ACSS1: variants seen among roughly 807,000 people sequenced by gnomAD.
The protein encoded by ACSS1 is acyl-CoA synthetase short chain family member 1.
A neutral mutation model predicts 75.3 loss-of-function variants in ACSS1; 42 were observed. That is an observed-to-expected ratio of 0.56 (90% CI 0.44 to 0.72). ACSS1 has a LOEUF of 0.72. Among genes scored for constraint, ACSS1 ranks in the 30% least tolerant of loss-of-function variants. The probability of loss-of-function intolerance (pLI) is 0.00; values close to 1 mark genes in which losing one functional copy is unlikely to be tolerated. For missense variants in ACSS1, 782 were observed against 935.7 expected, an observed-to-expected ratio of 0.84 and a Z score of 2.14; for synonymous variants, 380 against 376.8, an observed-to-expected ratio of 1.01 and a Z score of -0.10.
chr20:25,023,715 G>A, intron 3 of ACSS1, 74 bp from the exon 4 acceptor site: 1 of 1,396,732 alleles, frequency 7.2e-7, no homozygotes, highest in Non-Finnish European at 9.7e-7. Context: ...ACTCACATAG[G>A]ACATCCAGGC....
intron 3 of ACSS1, among the ~76,000 whole-genome samples, chr20:25,029,657 C>A (rs748314495): frequency 6.6e-6 from 1 of 152,086 alleles, no homozygotes; most frequent in Non-Finnish European, 1.5e-5. Context: ...ATATGAAATA[C>A]CGATACATGC....
chr20:25,021,284 A>G (rs2088619469), intron 6 of ACSS1, 105 bp downstream of exon 6: 1 of 1,437,002 alleles, frequency 7.0e-7, no homozygotes, highest in Non-Finnish European at 9.3e-7. Flanking sequence ...CACCCTCACC[A>G]GAACCCAGGC....
At chr20:25,021,873 T>C (rs529096168) in intron 5 of ACSS1, among the ~76,000 whole-genome samples, 17 of 152,300 alleles carry the variant, frequency 1.1e-4, no homozygotes, top group Non-Finnish European at 2.4e-4. Context: ...CCCTTTATTC[T>C]TCCACAGCAA....
rs187934573 is a variant in ACSS1 at position 25,009,428 on chromosome 20, G to A, written c.1772-40C>T. 935 of 1,543,294 alleles carry A rather than the reference G, an allele frequency of 6.1e-4. 3 individuals carry two copies. Among genetic ancestry groups the A allele is most frequent in the Non-Finnish European group, 6.1e-4 (684 of 1,116,006 alleles). ...AAGTTTGGGGATGTATTAAATACTA[G>A]ACAAGGAGCCAACTCCCGAGGCAGG... On this transcript the variant is annotated intron_variant, in intron 12 of 13. Coordinates refer to ENST00000323482, the MANE Select transcript of ACSS1 (RefSeq NM_032501.4).
chr20:25,043,274 C>G lies in ACSS1; in HGVS notation c.431+4811G>C, dbSNP rs148973427. ...CAGGACTTCCTGCTTCCTGCTCCCC[C>G]CAAGGGACCAGCCACTTCTGTGACC... On this transcript the variant is annotated intron_variant, in intron 2 of 13. Coordinates refer to ENST00000323482, the MANE Select transcript of ACSS1 (RefSeq NM_032501.4). Among the ~76,000 whole-genome samples the G allele has an allele frequency of 8.7e-3, 1,322 of 152,344 alleles. 9 individuals carry two copies. Among genetic ancestry groups the G allele is most frequent in the Non-Finnish European group, 0.013 (911 of 68,026 alleles).
At position 25,009,357 on chromosome 20, in the gene ACSS1, A is replaced by G. The variant is rs767441837; in HGVS notation, c.1803T>C (p.Ser601=). 5.6e-6 allele frequency: 9 copies of G among 1,614,066 alleles called. No individual in the cohort carries two copies. The African/African-American group carries it at 9.3e-5, about 17-fold the overall frequency. ...AAFAFIVVKD[S]AGDSDVVVQE... ...GCACCACCACATCTGAGTCACCCGC[A>G]CTATCTTTCACCACAATGAAGGCAA... The change falls in exon 13 of 14, where the codon AGT becomes AGC. Residue 601 remains serine, a synonymous_variant. Coordinates refer to ENST00000323482, the MANE Select transcript of ACSS1 (RefSeq NM_032501.4).
At position 25,030,859 on chromosome 20, in the gene ACSS1, C is replaced by G. The variant is rs767287364; in HGVS notation, c.531G>C (p.Leu177Phe). 19 of 1,614,110 alleles carry G rather than the reference C, an allele frequency of 1.2e-5. No individual in the cohort carries two copies. In the African/African-American group the frequency reaches 2.3e-4, roughly 19 times the overall value. The change falls in exon 3 of 14, where the codon TTG becomes TTC. Residue 177 changes from leucine to phenylalanine, a missense_variant. Coordinates refer to ENST00000323482, the MANE Select transcript of ACSS1 (RefSeq NM_032501.4). ...RVAIYMPVSPLAVAAMLACAR... is the reference protein window; with the variant it reads ...RVAIYMPVSPFAVAAMLACAR... Reference sequence around the variant, plus strand: ...CACAGGCCAGCATTGCTGCCACAGCCAATGGGGACACGGGCATGTAGATGG... The same window carrying G: ...CACAGGCCAGCATTGCTGCCACAGCGAATGGGGACACGGGCATGTAGATGG...
At chr20:25,037,740 T>C (rs990103703) in intron 2 of ACSS1, among the ~76,000 whole-genome samples, 7 of 152,240 alleles carry the variant, frequency 4.6e-5, no homozygotes, top group African/African-American at 1.4e-4. Flanking sequence ...GCTGACCCCT[T>C]CTCACGCAGG....
Position 25,007,747 on chromosome 20 carries a change from C to T in ACSS1, c.*15G>A. ...TGGGTGCCCGCCCATCCCAAGAGCC[C>T]CACAAGGTGCCAGCTCACTTAGCAG... On this transcript the variant is annotated 3_prime_UTR_variant, in exon 14 of 14. Coordinates refer to ENST00000323482, the MANE Select transcript of ACSS1 (RefSeq NM_032501.4). 1.9e-6 allele frequency: 3 copies of T among 1,612,826 alleles called. No individual in the cohort carries two copies. The highest frequency in any genetic ancestry group is 2.5e-6 in the Non-Finnish European group (3 of 1,179,156).
In ACSS1 at chr20:25,007,462, G is replaced by T; in HGVS notation, c.*300C>A. The T allele has an allele frequency of 1.6e-6, 2 of 1,219,090 alleles. No homozygotes were observed. Among genetic ancestry groups the T allele is most frequent in the Non-Finnish European group, 2.1e-6 (2 of 973,972 alleles). 75.5% of individuals were successfully genotyped at this position (1,219,090 alleles called of 1,614,324 possible). A position where few individuals can be genotyped will look rare whatever the true frequency, so the allele number is the denominator to read the frequency against. On this transcript the variant is annotated 3_prime_UTR_variant, in exon 14 of 14. Coordinates refer to ENST00000323482, the MANE Select transcript of ACSS1 (RefSeq NM_032501.4). ...TCCCAGGGCCTCACCTTCCTGTGCT[G>T]GCTCAAGAGGGCAGAGGAATGGAGA... is the stretch of plus-strand genomic sequence containing the variant.
chr20:25,015,074 A>G, intron 8 of ACSS1, 64 bp downstream of exon 8: 1 of 1,447,082 alleles, frequency 6.9e-7, no homozygotes, highest in Non-Finnish European at 9.5e-7. Flanking sequence ...CCCCAGTCCC[A>G]GCCTCACACC....
At chr20:25,012,361 G>A in intron 12 of ACSS1, 2 of 570,144 alleles carry the variant, frequency 3.5e-6, no homozygotes, top group South Asian at 4.1e-5. Flanking sequence ...CTGGGTCATG[G>A]CCACTGTGGA....
At chr20:25,023,315 C>G (rs1381423520) in intron 4 of ACSS1, 151 bp downstream of exon 4, 1 of 1,067,096 alleles carries the variant, frequency 9.4e-7, no homozygotes, top group African/African-American at 1.6e-5. Context: ...GGAGTTTTAT[C>G]TTCCCAGTCA....
At chr20:25,038,409 G>A (rs985250798) in intron 2 of ACSS1, among the ~76,000 whole-genome samples, 12 of 152,226 alleles carry the variant, frequency 7.9e-5, no homozygotes, top group African/African-American at 2.9e-4. Context: ...GACCAAATAT[G>A]AAGTTGCAGG....
At position 25,006,806 on chromosome 20, in the gene ACSS1, C is replaced by T. The variant is rs1600300137; in HGVS notation, c.*956G>A. ...TTGGACCTCAGTGGTTCTCACCGCC[C>T]CAACCACAGAGTGAAGGTCAGGCAG... On this transcript the variant is annotated 3_prime_UTR_variant, in exon 14 of 14. Transcript: ENST00000323482. The T allele has an allele frequency of 6.5e-7, 1 of 1,533,632 alleles. No individual in the cohort carries two copies. The highest frequency in any genetic ancestry group is 2.4e-5 in the East Asian group (1 of 40,904).
intron 12 of ACSS1, chr20:25,009,644 T>G: frequency 4.1e-6 from 2 of 486,328 alleles, no homozygotes; most frequent in Non-Finnish European, 7.4e-6. Context: ...GCATCTCAGC[T>G]CTAATGCTGA....
Position 25,048,168 on chromosome 20 carries a change from G to T in ACSS1, c.348C>A (p.Asp116Glu). ...TCTCGGGGGACTTCCGAACATGCTG[G>T]TCCAAGCAGTTGACTGTACAAAAAG... ...GQLNVSVNCLDQHVRKSPESV... is the reference protein window; with the variant it reads ...GQLNVSVNCLEQHVRKSPESV... The change falls in exon 2 of 14, where the codon GAC becomes GAA. Residue 116 changes from aspartate (D) to glutamate (E), a missense_variant. By Grantham distance (45) the Asp-to-Glu change is conservative (BLOSUM62 2). This residue lies in a region of ACSS1 where 377 missense variants were observed against 383.1 expected (regional missense o/e 0.98). Transcript: ENST00000323482. The T allele has an allele frequency of 1.2e-6, 2 of 1,613,248 alleles. No homozygotes were observed.
At chr20:25,057,639 A>C in intron 1 of ACSS1, 130 bp downstream of exon 1, 5 of 787,970 alleles carry the variant, frequency 6.3e-6, no homozygotes, top group Admixed American at 3.2e-5. Flanking sequence ...GGCGGACGGA[A>C]TACCGGAGGA....
Position 25,046,447 on chromosome 20 carries a change from A to G in ACSS1, c.431+1638T>C, listed in dbSNP as rs556896934. The G allele has an allele frequency of 1.4e-5, 4 of 287,182 alleles. No homozygotes were observed. The South Asian group carries it at 1.6e-4, about 11-fold the overall frequency. The allele number at this position is 287,182 out of a possible 1,614,324, so 17.8% of individuals were successfully genotyped here. Reference sequence around the variant, plus strand: ...GCACACACTCAGTGCTCCCACGGGCAGCGTCCAGCCGAGGGGGCGTGGCAC... The same window carrying G: ...GCACACACTCAGTGCTCCCACGGGCGGCGTCCAGCCGAGGGGGCGTGGCAC... On this transcript the variant is annotated intron_variant, in intron 2 of 13. Transcript: ENST00000323482.
Sources: gnomAD v4.1 joint callset for allele counts (sites outside exome capture counted in the v4.1 genomes callset) on GRCh38, gnomAD v4.1.1 for gene constraint, gnomAD v4.1.1 regional missense constraint, MANE v1.5 for transcripts, NCBI Gene and HGNC (gene_info 2026-07-23, HGNC 2026-07-21) for gene names.